HIBCH: variants seen among roughly 807,000 people sequenced by gnomAD.
HIBCH encodes the protein 3-hydroxyisobutyryl-CoA hydrolase, mitochondrial.
In HIBCH, 50 loss-of-function variants were observed where a neutral mutation model predicts 58.2. That is an observed-to-expected ratio of 0.86 (90% confidence interval 0.68 to 1.09). HIBCH has a LOEUF of 1.09. Ranked by LOEUF, HIBCH falls within the 50% of genes least tolerant of loss-of-function variation. The pLI, the probability that HIBCH is intolerant of heterozygous loss-of-function variation, is 0.00. For missense variants in HIBCH, 450 were observed against 449.7 expected (o/e 1.00, Z -0.01); for synonymous variants, 151 against 146.9 (o/e 1.03, Z -0.20).
intron 6 of HIBCH, among the ~76,000 whole-genome samples, chr2:190,280,559 A>G (rs1037175913): frequency 1.3e-5 from 2 of 152,210 alleles, no homozygotes; most frequent in African/African-American, 4.8e-5. Flanking sequence ...AGTGGGCCCA[A>G]GCATGTGCAT....
chr2:190,213,416 A>G (rs1185775428), intron 11 of HIBCH: 3 of 296,112 alleles, frequency 1.0e-5, no homozygotes, highest in Non-Finnish European at 1.9e-5. Flanking sequence ...TTCATGGAGT[A>G]TAGAAAATAA....
intron 4 of HIBCH, among the ~76,000 whole-genome samples, chr2:190,290,942 T>C (rs1478943669): frequency 6.6e-6 from 1 of 152,074 alleles, no homozygotes; most frequent in Non-Finnish European, 1.5e-5. Context: ...GCCCAGGATA[T>C]TGAGGCTACA....
intron 11 of HIBCH, among the ~76,000 whole-genome samples, chr2:190,239,560 T>C (rs533951279): frequency 4.1e-4 from 62 of 152,320 alleles, no homozygotes; most frequent in African/African-American, 1.4e-3. Context: ...AGTATGGCCA[T>C]TTTCATGATA....
At chr2:190,229,731 C>T (rs146170742) in intron 11 of HIBCH, among the ~76,000 whole-genome samples, 2 of 152,268 alleles carry the variant, frequency 1.3e-5, no homozygotes, top group East Asian at 3.9e-4. Flanking sequence ...TCAAAACATA[C>T]ACTACCTGAA....
At chr2:190,310,489 T>C (rs932838806) in intron 2 of HIBCH, among the ~76,000 whole-genome samples, 2 of 152,220 alleles carry the variant, frequency 1.3e-5, no homozygotes, top group Non-Finnish European at 2.9e-5. Flanking sequence ...AGGGAAGCTG[T>C]AAGAGACCAA....
chr2:190,287,949 C>T (rs1362620080), intron 5 of HIBCH, among the ~76,000 whole-genome samples: 1 of 151,902 alleles, frequency 6.6e-6, no homozygotes, highest in East Asian at 1.9e-4. Context: ...TTGAGGTCAG[C>T]AGTATGAGAC....
intron 11 of HIBCH, among the ~76,000 whole-genome samples, chr2:190,242,774 G>A (rs570865253): frequency 6.6e-6 from 1 of 152,128 alleles, no homozygotes; most frequent in Non-Finnish European, 1.5e-5. Context: ...CTAAAAACAT[G>A]TTTGTGCATG....
intron 2 of HIBCH, among the ~76,000 whole-genome samples, chr2:190,303,516 C>T (rs2124842563): frequency 1.3e-5 from 2 of 151,728 alleles, no homozygotes; most frequent in African/African-American, 4.8e-5. Flanking sequence ...TTCCTAATGG[C>T]CAGAACTGGA....
chr2:190,309,299 C>T (rs1197055887), intron 2 of HIBCH, among the ~76,000 whole-genome samples: 1 of 152,026 alleles, frequency 6.6e-6, no homozygotes, highest in Non-Finnish European at 1.5e-5. Context: ...GTAGTATGTA[C>T]CCCAGAGGAC....
Position 190,206,282 on chromosome 2 carries a change from T to G in HIBCH, c.1046-1050A>C, listed in dbSNP as rs1690388592. 6.6e-6 allele frequency among the ~76,000 whole-genome samples: 1 copy of G among 152,176 alleles called. No individual in the cohort carries two copies. The highest frequency in any genetic ancestry group is 1.5e-5 in the Non-Finnish European group (1 of 68,010). ...GATTCTGGTATCAGATCAGTGGCGA[T>G]ATTAAATACTGATGTTCTGATCCCT... On this transcript the variant is annotated intron_variant, in intron 13 of 13. Coordinates refer to ENST00000359678, the MANE Select transcript of HIBCH (RefSeq NM_014362.4). The surrounding 1 kb of genome is among the most constrained non-coding windows in gnomAD (Gnocchi z 5.1).
chr2:190,285,301 G>A (rs1255889358), intron 6 of HIBCH, among the ~76,000 whole-genome samples: 1 of 152,136 alleles, frequency 6.6e-6, no homozygotes, highest in African/African-American at 2.4e-5. Flanking sequence ...TGTTGGGTAT[G>A]CCCATTGTTT....
intron 1 of HIBCH, among the ~76,000 whole-genome samples, chr2:190,198,628 T>C (rs913738620): frequency 9.8e-5 from 6 of 61,484 alleles, no homozygotes; most frequent in Non-Finnish European, 5.9e-5. Context: ...TAAGACCCTG[T>C]CTCAAAAAAA....
intron 6 of HIBCH, among the ~76,000 whole-genome samples, chr2:190,274,272 T>C (rs1687486925): frequency 6.6e-6 from 1 of 152,250 alleles, no homozygotes. Context: ...AACAAGTCTT[T>C]GCAATATACT....
At chr2:190,313,400 C>A (rs909103476) in intron 1 of HIBCH, among the ~76,000 whole-genome samples, 2 of 152,076 alleles carry the variant, frequency 1.3e-5, no homozygotes, top group Admixed American at 1.3e-4. Flanking sequence ...AACCCAAATG[C>A]GTAAGGGATA....
At chr2:190,307,627 A>G (rs955673247) in intron 2 of HIBCH, among the ~76,000 whole-genome samples, 1 of 152,118 alleles carries the variant, frequency 6.6e-6, no homozygotes, top group African/African-American at 2.4e-5. Context: ...TAATGTCACT[A>G]CACTCCAGCC....
chr2:190,235,914 C>T (rs1183662833), intron 11 of HIBCH, among the ~76,000 whole-genome samples: 2 of 152,176 alleles, frequency 1.3e-5, no homozygotes, highest in Non-Finnish European at 2.9e-5. Context: ...AGAACAGATA[C>T]TGGATTGTCA....
intron 2 of HIBCH, among the ~76,000 whole-genome samples, chr2:190,302,588 CA>C (rs1472164156): frequency 2.6e-5 from 4 of 152,148 alleles, no homozygotes; most frequent in Non-Finnish European, 5.9e-5. Context: ...TTGAAATCAG[CA>C]GGGGAAAATT....
chr2:190,288,954 T>C (rs905842452), intron 5 of HIBCH, among the ~76,000 whole-genome samples: 3 of 151,892 alleles, frequency 2.0e-5, no homozygotes, highest in African/African-American at 7.3e-5. Context: ...CTACTTAAAA[T>C]ACAAAAATTA....
intron 6 of HIBCH, among the ~76,000 whole-genome samples, chr2:190,276,281 A>AAT (rs1195132076): frequency 2.6e-5 from 4 of 152,126 alleles, no homozygotes; most frequent in African/African-American, 4.8e-5. Flanking sequence ...ACACTATGTA[A>AAT]ATGCCCCTAC....
Sources: allele counts gnomAD v4.1 joint callset (sites outside exome capture counted in the v4.1 genomes callset), GRCh38; gene constraint gnomAD v4.1.1; non-coding constraint Gnocchi (gnomAD v3.1); transcripts MANE v1.5; gene names NCBI Gene and HGNC (gene_info 2026-07-23, HGNC 2026-07-21).